DIP2C: variants seen among roughly 807,000 people sequenced by gnomAD.
DIP2C encodes disco-interacting protein 2 homolog C.
A neutral mutation model predicts 192.4 loss-of-function variants in DIP2C; 33 were observed. The ratio of observed to expected loss-of-function variants is 0.17; its 90% confidence interval spans 0.13 to 0.23. The LOEUF (loss-of-function observed/expected upper bound fraction) is 0.23. DIP2C is among the 10% of genes least tolerant of loss of function. DIP2C has a pLI of 1.00. For missense variants in DIP2C, 1,537 were observed against 2,110.1 expected, an observed-to-expected ratio of 0.73 and a Z score of 5.32; for synonymous variants, 979 against 864.1, an observed-to-expected ratio of 1.13 and a Z score of -2.33.
chr10:415,710 CATT>C, intron 7 of DIP2C, 56 bp downstream of exon 7: 1 of 1,579,292 alleles, frequency 6.3e-7, no homozygotes, highest in Non-Finnish European at 8.6e-7. Flanking sequence ...AAAAAAATAT[CATT>C]GTTTACGGGA....
chr10:288,518 G>A, intron 32 of DIP2C, 97 bp from the exon 33 acceptor site: 1 of 1,297,952 alleles, frequency 7.7e-7, no homozygotes, highest in Non-Finnish European at 1.1e-6. Flanking sequence ...AGCTGTCCGG[G>A]AAAGCTGATT....
intron 32 of DIP2C, among the ~76,000 whole-genome samples, chr10:292,316 T>C (rs1955532779): frequency 6.6e-6 from 1 of 152,258 alleles, no homozygotes. Flanking sequence ...AATTTAACTG[T>C]GTGTCTGAAT....
At chr10:391,765 G>C (rs972948832) in intron 10 of DIP2C, among the ~76,000 whole-genome samples, 3 of 152,174 alleles carry the variant, frequency 2.0e-5, no homozygotes, top group Admixed American at 2.0e-4. Context: ...CTCAATTATG[G>C]ACCCTACAAG....
At chr10:417,055 C>T (rs1370364168) in intron 6 of DIP2C, among the ~76,000 whole-genome samples, 2 of 152,184 alleles carry the variant, frequency 1.3e-5, no homozygotes, top group Non-Finnish European at 2.9e-5. Flanking sequence ...TTTCATATCT[C>T]TGAAAATACA....
At chr10:594,831 G>T (rs184514225) in intron 1 of DIP2C, among the ~76,000 whole-genome samples, 2 of 152,160 alleles carry the variant, frequency 1.3e-5, no homozygotes, top group African/African-American at 2.4e-5. Context: ...TCGAATTTAC[G>T]ACCTGCTGCT....
In DIP2C at chr10:345,066, C is replaced by G; in HGVS notation, c.3276G>C (p.Lys1092Asn). 1 of 1,613,728 alleles carries G rather than the reference C, an allele frequency of 6.2e-7. No homozygotes were observed. Among genetic ancestry groups the G allele is most frequent in the Non-Finnish European group, 8.5e-7 (1 of 1,179,954 alleles). ...ACLMTTQLICKLLRSREAAAA... is the reference protein window; with the variant it reads ...ACLMTTQLICNLLRSREAAAA... Reference sequence around the variant, plus strand: ...CCGCCGCCTCCCTGGACCGCAGCAACTTACAGATCAGCTGTGTCGTCATCA... The same window carrying G: ...CCGCCGCCTCCCTGGACCGCAGCAAGTTACAGATCAGCTGTGTCGTCATCA... Residue 1092 changes from lysine (K) to asparagine (N), a missense_variant, in exon 27 of 37, where the codon AAG becomes AAC. Transcript: ENST00000280886.
At chr10:592,003 C>T (rs1210536288) in intron 1 of DIP2C, among the ~76,000 whole-genome samples, 1 of 152,326 alleles carries the variant, frequency 6.6e-6, no homozygotes, top group East Asian at 1.9e-4. Flanking sequence ...ATTCAAGTGT[C>T]ATTTCACATT....
At chr10:525,231 A>G (rs577480788) in intron 1 of DIP2C, among the ~76,000 whole-genome samples, 5 of 152,156 alleles carry the variant, frequency 3.3e-5, no homozygotes, top group Non-Finnish European at 5.9e-5. Context: ...AAATTTCTAA[A>G]GCTCCTAACG....
chr10:477,254 A>T (rs1423252123), intron 2 of DIP2C, among the ~76,000 whole-genome samples: 1 of 104,458 alleles, frequency 9.6e-6, no homozygotes, highest in Non-Finnish European at 1.9e-5. Flanking sequence ...AAAAGAATGG[A>T]TGGATAGGAG....
In DIP2C at chr10:689,633, T is replaced by C; in HGVS notation, c.-55A>G. On this transcript the variant is annotated 5_prime_UTR_variant, in exon 1 of 37. Transcript: ENST00000280886. This position sits in a 1 kb window ranked among gnomAD's most constrained non-coding sequence, Gnocchi z 6.1. ...TCCTCTTTGTTCGCAGGCGGAGGTCTCGGCGGCTCCTCGCGCCCGGCGGAA... is the reference window on the plus strand; with the variant it reads ...TCCTCTTTGTTCGCAGGCGGAGGTCCCGGCGGCTCCTCGCGCCCGGCGGAA... 2 of 1,055,684 alleles carry C rather than the reference T, an allele frequency of 1.9e-6. No homozygotes were observed. Among genetic ancestry groups the C allele is most frequent in the Non-Finnish European group, 2.3e-6 (2 of 872,184 alleles). The allele number at this position is 1,055,684 out of a possible 1,614,324, so 65.4% of individuals were successfully genotyped here. A position where few individuals can be genotyped will look rare whatever the true frequency, so the allele number is the denominator to read the frequency against.
At chr10:684,065 T>C (rs1460527804) in intron 1 of DIP2C, among the ~76,000 whole-genome samples, 1 of 152,266 alleles carries the variant, frequency 6.6e-6, no homozygotes, top group East Asian at 1.9e-4. Flanking sequence ...GCCCTTCATG[T>C]GGGTTCGCTT....
intron 2 of DIP2C, among the ~76,000 whole-genome samples, chr10:482,274 T>C (rs1843667301): frequency 6.6e-6 from 1 of 152,182 alleles, no homozygotes; most frequent in South Asian, 2.1e-4. Context: ...GACTCAACAG[T>C]TGGACAGCAC....
At chr10:645,426 G>GT (rs1855398162) in intron 1 of DIP2C, among the ~76,000 whole-genome samples, 1 of 152,184 alleles carries the variant, frequency 6.6e-6, no homozygotes. Context: ...TCAGCCAGCA[G>GT]GAAGCCCTGT....
rs73577723 is a variant in DIP2C, at chr10:486,776, A to C, written c.86-246T>G. 8.6e-3 allele frequency among the ~76,000 whole-genome samples: 1,308 copies of C among 152,298 alleles called. 22 individuals carry two copies. Among genetic ancestry groups the C allele is most frequent in the African/African-American group, 0.029 (1,215 of 41,564 alleles). ...CCTGTTTCTGGCCCCTTCTGTATTT[A>C]TCCGGATGGGGTCCAGGGTTAGACC... On this transcript the variant is annotated intron_variant, in intron 1 of 36. Coordinates refer to ENST00000280886, the MANE Select transcript of DIP2C (RefSeq NM_014974.3).
intron 1 of DIP2C, among the ~76,000 whole-genome samples, chr10:606,445 G>A (rs952801675): frequency 4.0e-5 from 6 of 150,916 alleles, no homozygotes; most frequent in Middle Eastern, 3.5e-3. Context: ...TTGGGAAGGG[G>A]ATCTCTCGCC....
chr10:443,360 T>C (rs1484337817), intron 3 of DIP2C, among the ~76,000 whole-genome samples: 5 of 152,198 alleles, frequency 3.3e-5, no homozygotes, highest in African/African-American at 1.2e-4. Flanking sequence ...TCTGGCTTGG[T>C]GGGTCATAAT....
intron 1 of DIP2C, among the ~76,000 whole-genome samples, chr10:583,186 C>T (rs576954632): frequency 6.6e-6 from 1 of 152,322 alleles, no homozygotes; most frequent in South Asian, 2.1e-4. Context: ...GGAAAAAGAA[C>T]GTTGTACTCC....
intron 1 of DIP2C, among the ~76,000 whole-genome samples, chr10:526,870 G>A (rs1218618273): frequency 6.6e-6 from 1 of 152,210 alleles, no homozygotes; most frequent in African/African-American, 2.4e-5. Context: ...CCAGTCCCCG[G>A]CAGAGTCCCT....
chr10:531,205 CT>C (rs770141126), intron 1 of DIP2C, among the ~76,000 whole-genome samples: 1 of 152,198 alleles, frequency 6.6e-6, no homozygotes, highest in Admixed American at 6.5e-5. Context: ...TGTGCTGTGA[CT>C]TTCCCCGTAA....
Sources: gnomAD v4.1 joint callset for allele counts (sites outside exome capture counted in the v4.1 genomes callset) on GRCh38, gnomAD v4.1.1 for gene constraint, Gnocchi (gnomAD v3.1) non-coding constraint, MANE v1.5 for transcripts, NCBI Gene and HGNC (gene_info 2026-07-23, HGNC 2026-07-21) for gene names.